Variants in CCDC171 observed in about 807,000 individuals in gnomAD.
CCDC171 encodes the protein coiled-coil domain-containing protein 171.
A neutral mutation model predicts 168.2 loss-of-function variants in CCDC171; 177 were observed. That is an observed-to-expected ratio of 1.05 (90% CI 0.93 to 1.19). The LOEUF is 1.19. CCDC171 is among the 50% of genes most tolerant of loss of function. The pLI is 0.00. For synonymous variants in CCDC171, 687 were observed against 540.8 expected (o/e 1.27, Z -3.75); for missense variants, 1,991 against 1,539.0 (o/e 1.29, Z -4.91).
intron 8 of CCDC171, among the ~76,000 whole-genome samples, chr9:15,657,957 G>A (rs1278583949): frequency 6.6e-6 from 1 of 152,162 alleles, no homozygotes; most frequent in Non-Finnish European, 1.5e-5. Flanking sequence ...GCCTTTTTCT[G>A]TAAAGTTTTA....
At chr9:15,904,538 G>C (rs1423845928) in intron 24 of CCDC171, among the ~76,000 whole-genome samples, 2 of 151,920 alleles carry the variant, frequency 1.3e-5, no homozygotes, top group Non-Finnish European at 2.9e-5. Context: ...AACATGGAAA[G>C]GGACAACCAG....
Position 15,920,303 on chromosome 9 carries a change from C to A in CCDC171, c.3634C>A (p.Leu1212Ile). ...MIKSFMDVYQ[L>I]ASTRIMTLEK... Reference sequence around the variant, plus strand: ...TAAAAGTTTCATGGATGTCTACCAGCTTGCAAGCACTAGAATCATGACATT... The same window carrying A: ...TAAAAGTTTCATGGATGTCTACCAGATTGCAAGCACTAGAATCATGACATT... The change falls in exon 25 of 26, where the codon CTT becomes ATT. Residue 1212 changes from leucine (L) to isoleucine (I), a missense_variant. Leu to Ile is a conservative substitution (Grantham distance 5, BLOSUM62 2). Transcript: ENST00000380701. 1 of 1,602,448 alleles carries A rather than the reference C, an allele frequency of 6.2e-7. No homozygotes were observed. The highest frequency in any genetic ancestry group is 8.5e-7 in the Non-Finnish European group (1 of 1,172,814).
chr9:15,932,570 C>T (rs560948508), intron 25 of CCDC171, among the ~76,000 whole-genome samples: 1 of 152,062 alleles, frequency 6.6e-6, no homozygotes, highest in South Asian at 2.1e-4. Flanking sequence ...GACAACTTGA[C>T]ATCCTCCTTT....
intron 24 of CCDC171, among the ~76,000 whole-genome samples, chr9:15,907,302 A>C (rs2131749902): frequency 6.6e-6 from 1 of 152,348 alleles, no homozygotes; most frequent in East Asian, 1.9e-4. Context: ...ACTGATACCA[A>C]AACAGATATA....
At chr9:15,830,059 A>T (rs2060166706) in intron 21 of CCDC171, among the ~76,000 whole-genome samples, 1 of 152,194 alleles carries the variant, frequency 6.6e-6, no homozygotes, top group South Asian at 2.1e-4. Context: ...TGATTTGTTG[A>T]GATTCATGTC....
intron 24 of CCDC171, among the ~76,000 whole-genome samples, chr9:15,913,158 G>A (rs746332322): frequency 6.6e-6 from 1 of 152,130 alleles, no homozygotes; most frequent in African/African-American, 2.4e-5. Flanking sequence ...CTGTGAATCC[G>A]TTTGGTCCTG....
At chr9:15,618,600 A>G (rs1205257560) in intron 6 of CCDC171, among the ~76,000 whole-genome samples, 1 of 152,136 alleles carries the variant, frequency 6.6e-6, no homozygotes, top group Admixed American at 6.5e-5. Flanking sequence ...GTGTCTGCCC[A>G]AACAGCCGCC....
intron 24 of CCDC171, among the ~76,000 whole-genome samples, chr9:15,897,479 G>A (rs746791814): frequency 4.6e-5 from 7 of 152,064 alleles, no homozygotes; most frequent in Non-Finnish European, 7.4e-5. Context: ...TGTTACAAAT[G>A]TTTATTGAAC....
intron 10 of CCDC171, among the ~76,000 whole-genome samples, chr9:15,682,962 C>A (rs1221806881): frequency 6.6e-6 from 1 of 151,960 alleles, no homozygotes; most frequent in Non-Finnish European, 1.5e-5. Context: ...GTCTTTTAGA[C>A]ATTACTGTGA....
intron 11 of CCDC171, among the ~76,000 whole-genome samples, chr9:15,721,301 G>C (rs2053459993): frequency 1.3e-5 from 2 of 151,952 alleles, no homozygotes; most frequent in African/African-American, 4.8e-5. Flanking sequence ...AAGCAAAATA[G>C]TGCAGTATAA....
intron 24 of CCDC171, chr9:15,889,147 G>C (rs1361957166): frequency 1.3e-5 from 2 of 151,166 alleles, no homozygotes; most frequent in East Asian, 3.9e-4. Flanking sequence ...TTTTTATGGA[G>C]ACAGAGTTTT....
intron 6 of CCDC171, among the ~76,000 whole-genome samples, chr9:15,600,913 A>T (rs992277228): frequency 2.0e-5 from 3 of 152,082 alleles, no homozygotes; most frequent in Non-Finnish European, 2.9e-5. Context: ...GCGAGGCTCC[A>T]TGGGTGTAGG....
Position 15,846,799 on chromosome 9 carries a change from T to C in CCDC171, c.3365T>C (p.Leu1122Pro), listed in dbSNP as rs746052671. 1 of 1,611,382 alleles carries C rather than the reference T, an allele frequency of 6.2e-7. No individual in the cohort carries two copies. The highest frequency in any genetic ancestry group is 8.5e-7 in the Non-Finnish European group (1 of 1,178,688). The change falls in exon 22 of 26, where the codon CTG (leucine) becomes CCG (proline). Residue 1122 changes from leucine (L) to proline (P), a missense_variant. Transcript: ENST00000380701. Reference protein sequence around the residue: ...LTQLEQDKRRLEENIHDAESA... With the variant: ...LTQLEQDKRRPEENIHDAESA... Reference sequence around the variant, plus strand: ...CAGCTGGAGCAGGACAAGCGTCGACTGGAGGAGAACATCCATGATGCAGAG... The same window carrying C: ...CAGCTGGAGCAGGACAAGCGTCGACCGGAGGAGAACATCCATGATGCAGAG...
intron 7 of CCDC171, among the ~76,000 whole-genome samples, chr9:15,635,206 G>A (rs552923729): frequency 2.2e-4 from 33 of 152,162 alleles, no homozygotes; most frequent in Non-Finnish European, 4.0e-4. Context: ...GAAGTCAGTC[G>A]AAGTCTCAAA....
At chr9:15,941,349 A>G (rs1460081503) in intron 25 of CCDC171, among the ~76,000 whole-genome samples, 2 of 151,964 alleles carry the variant, frequency 1.3e-5, no homozygotes, top group African/African-American at 4.8e-5. Flanking sequence ...TTTGTTTAAC[A>G]CTTCTGGACA....
At chr9:15,570,468 G>T (rs1261448332) in intron 2 of CCDC171, among the ~76,000 whole-genome samples, 1 of 151,334 alleles carries the variant, frequency 6.6e-6, no homozygotes, top group Non-Finnish European at 1.5e-5. Context: ...CATATTTTTG[G>T]TCTCTGCTTA....
At chr9:16,048,744 A>G (rs1833701483) in intron 1 of CCDC171, among the ~76,000 whole-genome samples, 1 of 152,052 alleles carries the variant, frequency 6.6e-6, no homozygotes, top group African/African-American at 2.4e-5. Flanking sequence ...CTGCTCTGTC[A>G]TCTGTAAAGT....
Position 15,620,884 on chromosome 9 carries a change from A to G in CCDC171, c.676-2383A>G, listed in dbSNP as rs145504138. Among the ~76,000 whole-genome samples the G allele has an allele frequency of 8.2e-4, 124 of 152,098 alleles. 1 individual carries two copies. Among genetic ancestry groups the G allele is most frequent in the African/African-American group, 2.8e-3 (116 of 41,486 alleles). On this transcript the variant is annotated intron_variant, in intron 6 of 25. Transcript: ENST00000380701. ...AGTCATCAACAAACATTGAGTTAGG[A>G]CCTTCCACCATTAAAGATGATGACT... is the stretch of plus-strand genomic sequence containing the variant.
At chr9:15,961,428 T>G (rs190727716) in intron 25 of CCDC171, among the ~76,000 whole-genome samples, 1 of 152,314 alleles carries the variant, frequency 6.6e-6, no homozygotes, top group Middle Eastern at 3.4e-3. Flanking sequence ...TGGAGTAAAA[T>G]GAAGGCACAC....
Sources: gnomAD v4.1 joint callset for allele counts (sites outside exome capture counted in the v4.1 genomes callset) on GRCh38, gnomAD v4.1.1 for gene constraint, MANE v1.5 for transcripts, NCBI Gene and HGNC (gene_info 2026-07-23, HGNC 2026-07-21) for gene names.